The following CTNNA3 variants were observed in gnomAD, a reference collection of about 807,000 sequenced individuals.
The protein encoded by CTNNA3 is catenin alpha-3.
In CTNNA3, 76 loss-of-function variants were observed where a neutral mutation model predicts 95.7. That is an observed-to-expected ratio of 0.79 (90% CI 0.66 to 0.96). The LOEUF (loss-of-function observed/expected upper bound fraction) is 0.96. Among genes scored for constraint, CTNNA3 ranks in the 40% least tolerant of loss-of-function variants. CTNNA3 has a pLI of 0.00. For synonymous variants in CTNNA3, 431 were observed against 374.4 expected, an observed-to-expected ratio of 1.15 and a Z score of -1.74; for missense variants, 1,191 against 1,089.8, an observed-to-expected ratio of 1.09 and a Z score of -1.31.
At chr10:66,494,568 C>G (rs1232474478) in intron 11 of CTNNA3, among the ~76,000 whole-genome samples, 16 of 151,966 alleles carry the variant, frequency 1.1e-4, no homozygotes, top group Non-Finnish European at 1.5e-5. Context: ...AATAGGCCAC[C>G]CACAGTAATA....
At chr10:66,464,853 G>T (rs1397072726) in intron 11 of CTNNA3, among the ~76,000 whole-genome samples, 1 of 151,676 alleles carries the variant, frequency 6.6e-6, no homozygotes, top group Non-Finnish European at 1.5e-5. Flanking sequence ...TTGGAATGGA[G>T]AATTTTTCTG....
At chr10:66,851,858 G>A (rs574618459) in intron 7 of CTNNA3, among the ~76,000 whole-genome samples, 3 of 152,168 alleles carry the variant, frequency 2.0e-5, no homozygotes, top group East Asian at 1.9e-4. Context: ...GTGCAAGAAC[G>A]TACTAATACA....
intron 15 of CTNNA3, among the ~76,000 whole-genome samples, chr10:66,055,134 A>G (rs1031373565): frequency 6.6e-6 from 1 of 152,108 alleles, no homozygotes; most frequent in Non-Finnish European, 1.5e-5. Flanking sequence ...GCTTTGTAGT[A>G]TAAATTTAAG....
chr10:66,411,685 T>C (rs2093106579), intron 11 of CTNNA3, among the ~76,000 whole-genome samples: 1 of 152,182 alleles, frequency 6.6e-6, no homozygotes, highest in Admixed American at 6.5e-5. Flanking sequence ...AGATAAGGAC[T>C]ATAATTTCAG....
Position 66,623,666 on chromosome 10 carries a change from T to G in CTNNA3, c.1282-1882A>C, listed in dbSNP as rs191072802. Among the ~76,000 whole-genome samples, 419 of 152,156 alleles carry G rather than the reference T, an allele frequency of 2.8e-3. 2 individuals are homozygous for G. Among genetic ancestry groups the G allele is most frequent in the African/African-American group, 9.8e-3 (407 of 41,548 alleles). On this transcript the variant is annotated intron_variant, in intron 9 of 17. Transcript: ENST00000433211. The stretch of plus-strand genomic sequence containing the variant: ...TCTTCATGTATTCTATGCCTGCACA[T>G]ACTTGAACTTCTCCTTACCAGAACT...
chr10:67,275,753 T>C (rs1839161876), intron 5 of CTNNA3, among the ~76,000 whole-genome samples: 1 of 152,216 alleles, frequency 6.6e-6, no homozygotes. Flanking sequence ...CTATCTTCTG[T>C]AATTCACATA....
chr10:66,438,094 C>A (rs2093350498), intron 11 of CTNNA3, among the ~76,000 whole-genome samples: 1 of 152,046 alleles, frequency 6.6e-6, no homozygotes, highest in Non-Finnish European at 1.5e-5. Context: ...GGGCACCTGC[C>A]AGATGCCAGC....
At chr10:66,577,713 T>C (rs561339507) in intron 10 of CTNNA3, among the ~76,000 whole-genome samples, 4 of 152,242 alleles carry the variant, frequency 2.6e-5, no homozygotes, top group Admixed American at 2.6e-4. Flanking sequence ...CATGCTGTTT[T>C]GGTTACTGCA....
At chr10:66,458,428 C>T (rs549847392) in intron 11 of CTNNA3, among the ~76,000 whole-genome samples, 8 of 152,192 alleles carry the variant, frequency 5.3e-5, no homozygotes, top group South Asian at 2.1e-4. Flanking sequence ...GTAAAATATA[C>T]GTAACACAAA....
intron 5 of CTNNA3, among the ~76,000 whole-genome samples, chr10:67,508,731 G>T (rs1194012224): frequency 6.6e-5 from 10 of 151,996 alleles, no homozygotes; most frequent in African/African-American, 2.2e-4. Context: ...CCTATGGAAT[G>T]AAATAAAATG....
At chr10:67,231,291 G>A (rs1253022469) in intron 5 of CTNNA3, among the ~76,000 whole-genome samples, 4 of 152,250 alleles carry the variant, frequency 2.6e-5, no homozygotes, top group Non-Finnish European at 4.4e-5. Context: ...CAGCTTTGAA[G>A]AGAGCAGTGG....
intron 7 of CTNNA3, among the ~76,000 whole-genome samples, chr10:66,819,270 G>A (rs1449053533): frequency 2.6e-5 from 4 of 151,906 alleles, no homozygotes; most frequent in East Asian, 1.9e-4. Flanking sequence ...ATGGGTCTGG[G>A]ACAACTGGAT....
chr10:65,929,145 G>A (rs1352375626), intron 17 of CTNNA3, among the ~76,000 whole-genome samples: 3 of 151,582 alleles, frequency 2.0e-5, no homozygotes, highest in Non-Finnish European at 2.9e-5. Context: ...TTGTCCTTGC[G>A]ATAGTTTACT....
At chr10:67,133,378 TACACAC>T (rs71006130) in intron 7 of CTNNA3, among the ~76,000 whole-genome samples, 10 of 133,932 alleles carry the variant, frequency 7.5e-5, no homozygotes, top group Middle Eastern at 3.8e-3. Context: ...TATATATATA[TACACAC>T]ACACACACAC....
intron 5 of CTNNA3, among the ~76,000 whole-genome samples, chr10:67,282,075 A>G (rs1839420532): frequency 6.6e-6 from 1 of 152,220 alleles, no homozygotes; most frequent in African/African-American, 2.4e-5. Context: ...TTACACAAAT[A>G]ATGATTTCAC....
chr10:67,248,529 C>A (rs1865989007), intron 5 of CTNNA3, among the ~76,000 whole-genome samples: 1 of 152,062 alleles, frequency 6.6e-6, no homozygotes, highest in Admixed American at 6.6e-5. Flanking sequence ...GATTCTCCCA[C>A]CTCAGCCCCC....
intron 15 of CTNNA3, among the ~76,000 whole-genome samples, chr10:65,998,916 A>G (rs562158508): frequency 1.3e-5 from 2 of 152,242 alleles, no homozygotes; most frequent in African/African-American, 2.4e-5. Flanking sequence ...CCTGTAAGCC[A>G]AGAAAGGCCC....
rs74752794 is a variant in CTNNA3 at position 67,056,210 on chromosome 10, T to C, written c.1047+124107A>G. ...TGATTAACTGAGCTTTAATAAAATA[T>C]GGTTGGTATACAAGTTCTAATTCAA... On this transcript the variant is annotated intron_variant, in intron 7 of 17. Coordinates refer to ENST00000433211, the MANE Select transcript of CTNNA3 (RefSeq NM_013266.4). Among the ~76,000 whole-genome samples the C allele has an allele frequency of 0.01, 1,566 of 152,224 alleles. 65 individuals carry two copies. In the East Asian group the frequency reaches 0.14, roughly 14 times the overall value.
intron 5 of CTNNA3, among the ~76,000 whole-genome samples, chr10:67,451,060 G>T (rs1240763837): frequency 1.3e-5 from 2 of 152,080 alleles, no homozygotes; most frequent in Non-Finnish European, 2.9e-5. Context: ...CCATCCTCAT[G>T]AATGGTTTAA....
Sources: gnomAD v4.1 joint callset for allele counts (sites outside exome capture counted in the v4.1 genomes callset) on GRCh38, gnomAD v4.1.1 for gene constraint, MANE v1.5 for transcripts, NCBI Gene and HGNC (gene_info 2026-07-23, HGNC 2026-07-21) for gene names.